PDIA5: variants seen among roughly 807,000 people sequenced by gnomAD.
The protein encoded by PDIA5 is protein disulfide-isomerase A5.
A neutral mutation model predicts 77.6 loss-of-function variants in PDIA5; 58 were observed. That is an observed-to-expected ratio of 0.75 (90% CI 0.61 to 0.93). The LOEUF (loss-of-function observed/expected upper bound fraction) is 0.93. Ranked by LOEUF, PDIA5 falls within the 40% of genes least tolerant of loss-of-function variation. PDIA5 has a pLI of 0.00. For synonymous variants in PDIA5, 250 were observed against 252.1 expected, an observed-to-expected ratio of 0.99 and a Z score of 0.08; for missense variants, 630 against 647.7, an observed-to-expected ratio of 0.97 and a Z score of 0.30.
At chr3:123,154,858 C>T (rs2107992130) in intron 14 of PDIA5, 113 bp from the exon 15 acceptor site, 2 of 739,602 alleles carry the variant, frequency 2.7e-6, no homozygotes, top group South Asian at 1.5e-5. Flanking sequence ...GTGTGGCGGG[C>T]AGTGGGGAGC....
intron 3 of PDIA5, among the ~76,000 whole-genome samples, chr3:123,097,078 C>CA (rs1438732322): frequency 6.6e-6 from 1 of 152,220 alleles, no homozygotes; most frequent in Admixed American, 6.5e-5. Context: ...CTGGAGCAGT[C>CA]ACAGCTTCCC....
At chr3:123,118,541 T>A (rs1204990354) in intron 8 of PDIA5, among the ~76,000 whole-genome samples, 3 of 152,162 alleles carry the variant, frequency 2.0e-5, no homozygotes. Flanking sequence ...CAATGCTGCA[T>A]CCACTGCCAA....
chr3:123,147,088 G>T (rs1470445835), intron 13 of PDIA5, among the ~76,000 whole-genome samples: 1 of 152,184 alleles, frequency 6.6e-6, no homozygotes, highest in Non-Finnish European at 1.5e-5. Context: ...TAGGATTACA[G>T]GCGTGAACCA....
chr3:123,142,630 A>G (rs1051568142), intron 11 of PDIA5, among the ~76,000 whole-genome samples: 3 of 152,178 alleles, frequency 2.0e-5, no homozygotes, highest in African/African-American at 7.2e-5. Flanking sequence ...ACAATGTCTG[A>G]CTGCAGGGGA....
intron 15 of PDIA5, among the ~76,000 whole-genome samples, chr3:123,157,971 G>A (rs1315402404): frequency 6.6e-6 from 1 of 152,202 alleles, no homozygotes; most frequent in Non-Finnish European, 1.5e-5. Flanking sequence ...AGGCCCTGAG[G>A]CAGTGGGGGC....
chr3:123,067,171 C>T lies in PDIA5; in HGVS notation c.7C>T (p.Arg3Trp), dbSNP rs1300029072. 3 of 1,246,140 alleles carry T rather than the reference C, an allele frequency of 2.4e-6. No individual in the cohort carries two copies. The highest frequency in any genetic ancestry group is 3.0e-6 in the Non-Finnish European group (3 of 990,232). The allele number at this position is 1,246,140 out of a possible 1,614,324, so 77.2% of individuals were successfully genotyped here. The stretch of plus-strand genomic sequence containing the variant: ...GGTGGGCAGCGCTGCTGGGATGGCG[C>T]GGGCCGGGCCGGCGTGGCTGCTGCT... Reference protein sequence around the residue: MARAGPAWLLLAI... With the variant: MAWAGPAWLLLAI... Residue 3 changes from arginine (R) to tryptophan (W), a missense_variant, in exon 1 of 17, where the codon CGG becomes TGG. By Grantham distance (101) the Arg-to-Trp change is moderately radical (BLOSUM62 -3). Transcript: ENST00000316218.
chr3:123,142,040 A>G (rs368819581), intron 11 of PDIA5, among the ~76,000 whole-genome samples: 3 of 152,314 alleles, frequency 2.0e-5, no homozygotes, highest in African/African-American at 7.2e-5. Context: ...TATATGCATC[A>G]GTGTGGGGAA....
At chr3:123,155,936 G>A (rs1936011994) in intron 15 of PDIA5, among the ~76,000 whole-genome samples, 1 of 152,132 alleles carries the variant, frequency 6.6e-6, no homozygotes, top group Non-Finnish European at 1.5e-5. Context: ...AACAGGCCAA[G>A]CAGGCCTAGA....
At chr3:123,085,871 T>C (rs1383344993) in intron 1 of PDIA5, among the ~76,000 whole-genome samples, 1 of 152,242 alleles carries the variant, frequency 6.6e-6, no homozygotes, top group Non-Finnish European at 1.5e-5. Context: ...ATTATTTTTT[T>C]TCCCTTTAAT....
At chr3:123,158,502 G>A (rs191193238) in intron 15 of PDIA5, among the ~76,000 whole-genome samples, 1 of 152,304 alleles carries the variant, frequency 6.6e-6, no homozygotes, top group East Asian at 1.9e-4. Context: ...CAAAGCAGGT[G>A]TTTTATGGGC....
chr3:123,092,810 G>A (rs533087980), intron 3 of PDIA5, among the ~76,000 whole-genome samples: 1 of 152,150 alleles, frequency 6.6e-6, no homozygotes, highest in East Asian at 1.9e-4. Context: ...TTACCCAGTG[G>A]GTTTGCCTGT....
intron 10 of PDIA5, among the ~76,000 whole-genome samples, chr3:123,127,276 G>C (rs184997937): frequency 2.6e-5 from 4 of 152,174 alleles, no homozygotes; most frequent in African/African-American, 9.7e-5. Flanking sequence ...AGGCAGATCA[G>C]AAGGGAACAT....
At chr3:123,150,123 G>T in intron 13 of PDIA5, 111 bp from the exon 14 acceptor site, 1 of 735,600 alleles carries the variant, frequency 1.4e-6, no homozygotes. Flanking sequence ...GGATTGTAGT[G>T]GTTTCTTCAT....
At chr3:123,150,418 C>G in intron 14 of PDIA5, 54 bp downstream of exon 14, 3 of 1,557,856 alleles carry the variant, frequency 1.9e-6, no homozygotes, top group African/African-American at 1.4e-5. Context: ...TTGGCCCCAC[C>G]AAACCAAAAA....
chr3:123,096,667 G>C (rs1192597897), intron 3 of PDIA5, among the ~76,000 whole-genome samples: 1 of 152,118 alleles, frequency 6.6e-6, no homozygotes, highest in East Asian at 1.9e-4. Flanking sequence ...GTAACTTGTT[G>C]CTCTGGGGTG....
chr3:123,080,158 G>T (rs534058067), intron 1 of PDIA5, among the ~76,000 whole-genome samples: 46 of 151,278 alleles, frequency 3.0e-4, no homozygotes, highest in Non-Finnish European at 5.9e-4. Flanking sequence ...GTGTGTGTGT[G>T]GGGGGGATTT....
At chr3:123,088,185 C>G (rs1286298112) in intron 1 of PDIA5, among the ~76,000 whole-genome samples, 1 of 152,162 alleles carries the variant, frequency 6.6e-6, no homozygotes, top group Non-Finnish European at 1.5e-5. Flanking sequence ...GGCTGTTGCC[C>G]AGCTGTGCAA....
chr3:123,080,552 C>T (rs113662371), intron 1 of PDIA5, among the ~76,000 whole-genome samples: 1 of 152,202 alleles, frequency 6.6e-6, no homozygotes, highest in Non-Finnish European at 1.5e-5. Context: ...CTGATAAGAA[C>T]AGGCACACTG....
intron 14 of PDIA5, among the ~76,000 whole-genome samples, chr3:123,151,815 GCCTGCCTGCCTGCCTT>G (rs1305402853): frequency 1.8e-4 from 22 of 122,284 alleles, no homozygotes; most frequent in African/African-American, 4.7e-4. Flanking sequence ...CTTCCTGCCT[GCCTGCCTGCCTGCCTT>G]CCTGCCTGCC....
Sources: allele counts gnomAD v4.1 joint callset (sites outside exome capture counted in the v4.1 genomes callset), GRCh38; gene constraint gnomAD v4.1.1; transcripts MANE v1.5; gene names NCBI Gene and HGNC (gene_info 2026-07-23, HGNC 2026-07-21).